PPP2R2C: variants seen among roughly 807,000 people sequenced by gnomAD.
PPP2R2C encodes protein phosphatase 2 regulatory subunit Bgamma.
Under a neutral mutation model 45.3 loss-of-function variants are expected in PPP2R2C, and 10 were observed. The ratio of observed to expected loss-of-function variants is 0.22; its 90% confidence interval spans 0.14 to 0.37. The LOEUF (loss-of-function observed/expected upper bound fraction) is 0.37. Ranked by LOEUF, PPP2R2C falls within the 10% of genes least tolerant of loss-of-function variation. PPP2R2C has a pLI of 1.00. For missense variants in PPP2R2C, 308 were observed against 619.7 expected, an observed-to-expected ratio of 0.50 and a Z score of 5.34; for synonymous variants, 257 against 245.4, an observed-to-expected ratio of 1.05 and a Z score of -0.44.
intron 6 of PPP2R2C, among the ~76,000 whole-genome samples, chr4:6,342,117 CACACACACACAT>C (rs1429821112): frequency 5.0e-5 from 7 of 139,476 alleles, no homozygotes; most frequent in African/African-American, 2.3e-4. Context: ...CACACACACA[CACACACACACAT>C]ACATATATAT....
At chr4:6,477,690 T>C (rs112626873) in intron 2 of PPP2R2C, among the ~76,000 whole-genome samples, 17,573 of 138,770 alleles carry the variant, frequency 0.13, 1,191 homozygotes, top group Non-Finnish European at 0.16. Context: ...CGCGGCACTG[T>C]ACTCCACTCC....
At chr4:6,484,408 G>T (rs951322239) in intron 2 of PPP2R2C, among the ~76,000 whole-genome samples, 4 of 151,724 alleles carry the variant, frequency 2.6e-5, no homozygotes, top group African/African-American at 9.7e-5. Flanking sequence ...CTTGAAATCA[G>T]ATCGTGTTAG....
intron 2 of PPP2R2C, among the ~76,000 whole-genome samples, chr4:6,379,642 C>T (rs544833914): frequency 1.3e-5 from 2 of 152,354 alleles, no homozygotes; most frequent in South Asian, 4.1e-4. Context: ...CTTCGCAGTG[C>T]CTGGTGGGAC....
At chr4:6,347,648 C>T (rs1179907804) in intron 6 of PPP2R2C, among the ~76,000 whole-genome samples, 198 bp downstream of exon 6, 1 of 152,158 alleles carries the variant, frequency 6.6e-6, no homozygotes, top group East Asian at 1.9e-4. Context: ...TGTGCAGGGA[C>T]TCTGGGGGGC....
At chr4:6,487,872 C>T (rs186534132) in intron 2 of PPP2R2C, among the ~76,000 whole-genome samples, 1 of 152,142 alleles carries the variant, frequency 6.6e-6, no homozygotes, top group African/African-American at 2.4e-5. Context: ...GTTGTCTCAA[C>T]TCAATGAGAA....
chr4:6,340,396 TG>T (rs1733352168), intron 6 of PPP2R2C, among the ~76,000 whole-genome samples: 1 of 151,116 alleles, frequency 6.6e-6, no homozygotes, highest in African/African-American at 2.4e-5. Flanking sequence ...AGAGGGCTCC[TG>T]ATGCCCTTCA....
Position 6,382,624 on chromosome 4 carries a change from C to T in PPP2R2C, c.71-1530G>A, listed in dbSNP as rs892267977. The T allele has an allele frequency of 1.3e-4, 9 of 67,986 alleles. No individual in the cohort carries two copies. The Admixed American group carries it at 1.7e-3, about 13-fold the overall frequency. 4.2% of individuals were successfully genotyped at this position (67,986 alleles called of 1,614,324 possible). A position where few individuals can be genotyped will look rare whatever the true frequency, so the allele number is the denominator to read the frequency against. On this transcript the variant is annotated intron_variant, in intron 1 of 8. Transcript: ENST00000382599. Reference sequence around the variant, plus strand: ...GGCCCAAGCCTTGGAGTTTCTCGTTCTCTCTCTCTCTCTCTCTCTCTCTCT... The same window carrying T: ...GGCCCAAGCCTTGGAGTTTCTCGTTTTCTCTCTCTCTCTCTCTCTCTCTCT...
intron 1 of PPP2R2C, among the ~76,000 whole-genome samples, chr4:6,438,152 C>T (rs1719982432): frequency 6.6e-6 from 1 of 152,224 alleles, no homozygotes. Context: ...AGTATCTGGT[C>T]TGCATTTAAC....
intron 1 of PPP2R2C, chr4:6,382,926 A>G (rs1715955868): frequency 1.8e-6 from 2 of 1,086,668 alleles, no homozygotes; most frequent in South Asian, 2.6e-5. Context: ...GTACTCAGAG[A>G]AAAGCACAGA....
intron 2 of PPP2R2C, among the ~76,000 whole-genome samples, chr4:6,525,269 G>A (rs1479370464): frequency 6.6e-6 from 1 of 152,066 alleles, no homozygotes; most frequent in East Asian, 1.9e-4. Flanking sequence ...GCCGGGCATG[G>A]TGGCATGTGC....
At chr4:6,390,550 G>T (rs979405453) in intron 1 of PPP2R2C, among the ~76,000 whole-genome samples, 2 of 152,182 alleles carry the variant, frequency 1.3e-5, no homozygotes. Context: ...GCCGGGCGGC[G>T]GGCGCATGGG....
In PPP2R2C at chr4:6,389,380, G is replaced by C. The variant is rs148403571; in HGVS notation, c.71-8286C>G. Among the ~76,000 whole-genome samples the C allele has an allele frequency of 2.6e-3, 398 of 152,332 alleles. 3 individuals are homozygous for C. Among genetic ancestry groups the C allele is most frequent in the African/African-American group, 9.2e-3 (382 of 41,576 alleles). On this transcript the variant is annotated intron_variant, in intron 1 of 8. Transcript: ENST00000382599. ...GATCCATCAGGGCTCAGGGCAGAGA[G>C]GGGGCCTTAGGCAAGCCCAGCTCGA...
chr4:6,333,877 C>G, intron 6 of PPP2R2C, 146 bp from the exon 7 acceptor site: 1 of 862,672 alleles, frequency 1.2e-6, no homozygotes. Context: ...AAACACTTAC[C>G]AGGGAACAAG....
At chr4:6,348,729 C>G in intron 5 of PPP2R2C, 12 of 983,408 alleles carry the variant, frequency 1.2e-5, no homozygotes, top group Non-Finnish European at 1.4e-5. Context: ...GCTGCCAGGA[C>G]AAGGAGAAAC....
rs1044934704 is a variant in PPP2R2C, at chr4:6,323,138, G to A, written c.*164C>T. On this transcript the variant is annotated 3_prime_UTR_variant, in exon 9 of 9. Coordinates refer to ENST00000382599, the MANE Select transcript of PPP2R2C (RefSeq NM_020416.4). ...ACACAATTCTGGCCTAGGAAAGCTG[G>A]GGCAGGGAGGGGGCCCAAACTTCCT... is the stretch of plus-strand genomic sequence containing the variant. 5.5e-6 allele frequency: 4 copies of A among 721,248 alleles called. No homozygotes were observed. In the East Asian group the frequency reaches 1.2e-4, roughly 22 times the overall value. The allele number at this position is 721,248 out of a possible 1,614,324, so 44.7% of individuals were successfully genotyped here.
chr4:6,492,377 T>C (rs986038477), intron 2 of PPP2R2C, among the ~76,000 whole-genome samples: 25 of 152,282 alleles, frequency 1.6e-4, no homozygotes, highest in African/African-American at 6.0e-4. Context: ...CTTCAGCCTG[T>C]CCAGGGTCGT....
intron 6 of PPP2R2C, among the ~76,000 whole-genome samples, chr4:6,341,379 T>A (rs1733433002): frequency 6.7e-6 from 1 of 150,276 alleles, no homozygotes; most frequent in Non-Finnish European, 1.5e-5. Flanking sequence ...CCACAATTCC[T>A]GTAAGAGTTT....
chr4:6,354,647 C>CCCCCCA (rs1708308879), intron 5 of PPP2R2C, among the ~76,000 whole-genome samples: 1 of 148,100 alleles, frequency 6.8e-6, no homozygotes, highest in Admixed American at 6.8e-5. Flanking sequence ...CGGTCATTTG[C>CCCCCCA]CCCCCACCCC....
At position 6,332,414 on chromosome 4, in the gene PPP2R2C, G is replaced by A. The variant is rs186157839; in HGVS notation, c.960+1148C>T. 1.3e-5 allele frequency among the ~76,000 whole-genome samples: 2 copies of A among 152,274 alleles called. No homozygotes were observed. The highest frequency in any genetic ancestry group is 4.8e-5 in the African/African-American group (2 of 41,550). On this transcript the variant is annotated intron_variant, in intron 7 of 8. Transcript: ENST00000382599. The surrounding 1 kb of genome is among the most constrained non-coding windows in gnomAD (Gnocchi z 4.9). ...GTCGCAAGAACTCAAGTAAACACAC[G>A]TGGCTGACAAACAGGCGGTCCCCAT... is the stretch of plus-strand genomic sequence containing the variant.
Sources: allele counts gnomAD v4.1 joint callset (sites outside exome capture counted in the v4.1 genomes callset), GRCh38; gene constraint gnomAD v4.1.1; non-coding constraint Gnocchi (gnomAD v3.1); transcripts MANE v1.5; gene names NCBI Gene and HGNC (gene_info 2026-07-23, HGNC 2026-07-21).